TACC2: variants seen among roughly 807,000 people sequenced by gnomAD.
The protein encoded by TACC2 is transforming acidic coiled-coil-containing protein 2.
TACC2 carries 137 observed loss-of-function variants against 227.3 expected under a neutral mutation model. The observed-to-expected ratio is 0.60, with a 90% CI of 0.52 to 0.69. TACC2 has a LOEUF of 0.69. Ranked by LOEUF, TACC2 falls within the 30% of genes least tolerant of loss-of-function variation. The pLI, the probability that TACC2 is intolerant of heterozygous loss-of-function variation, is 0.00. For synonymous variants in TACC2, 1,523 were observed against 1,487.5 expected, an observed-to-expected ratio of 1.02 and a Z score of -0.55; for missense variants, 3,470 against 3,694.4, an observed-to-expected ratio of 0.94 and a Z score of 1.57.
At chr10:122,024,981 A>G (rs1476999900) in intron 2 of TACC2, among the ~76,000 whole-genome samples, 1 of 152,116 alleles carries the variant, frequency 6.6e-6, no homozygotes, top group Non-Finnish European at 1.5e-5. Context: ...TTTGATATGG[A>G]GCTGACAAAC....
rs187453591 is a variant in TACC2 at position 122,045,111 on chromosome 10, G to A, written c.34-5327G>A. Among the ~76,000 whole-genome samples the A allele has an allele frequency of 2.6e-3, 395 of 152,298 alleles. 1 individual carries two copies. The highest frequency in any genetic ancestry group is 9.0e-3 in the African/African-American group (375 of 41,568). On this transcript the variant is annotated intron_variant, in intron 2 of 22. Coordinates refer to ENST00000369005, the MANE Select transcript of TACC2 (RefSeq NM_206862.4). The stretch of plus-strand genomic sequence containing the variant: ...CGAGAGTTCCCAGGGCTGAGGGTAC[G>A]TCTTTCGATTTGCAGACATGGCCAC...
chr10:122,004,423 G>C (rs1030358232), intron 1 of TACC2, among the ~76,000 whole-genome samples: 1 of 151,108 alleles, frequency 6.6e-6, no homozygotes, highest in African/African-American at 2.4e-5. Flanking sequence ...AATTACACTC[G>C]TTCCTGAGGT....
intron 1 of TACC2, among the ~76,000 whole-genome samples, chr10:122,008,264 A>ATTTTTTTT (rs71022877): frequency 3.0e-5 from 4 of 134,654 alleles, no homozygotes; most frequent in African/African-American, 5.6e-5. Context: ...TATTATTATT[A>ATTTTTTTT]TTTTTTTTTT....
rs1337782400 is a variant in TACC2 at position 122,132,070 on chromosome 10, G to GAA, written c.5574-537_5574-536dup. Among the ~76,000 whole-genome samples, 2 of 103,770 alleles carry GAA rather than the reference G, an allele frequency of 1.9e-5. 1 individual carries two copies. Among genetic ancestry groups the GAA allele is most frequent in the African/African-American group, 9.7e-5 (2 of 20,576 alleles). 68.1% of individuals were successfully genotyped at this position (103,770 alleles called of 152,430 possible). ...AAAGAAAGAAAGAAAGAAAGAAAAA[G>GAA]AAAGAAAGAAAGAGAAAGATCTACA... is the stretch of plus-strand genomic sequence containing the variant. On this transcript the variant is annotated intron_variant, in intron 5 of 22. Transcript: ENST00000369005.
chr10:122,080,088 A>C (rs2079276594), intron 3 of TACC2, among the ~76,000 whole-genome samples: 2 of 152,264 alleles, frequency 1.3e-5, no homozygotes, highest in East Asian at 1.9e-4. Context: ...AGTCCTGGTC[A>C]GGGTGCTGGT....
At chr10:121,998,342 C>T (rs182132244) in intron 1 of TACC2, among the ~76,000 whole-genome samples, 1 of 150,768 alleles carries the variant, frequency 6.6e-6, no homozygotes, top group African/African-American at 2.4e-5. Flanking sequence ...AGGAAGACTC[C>T]TTTTTGGGGG....
Position 122,082,849 on chromosome 10 carries a change from C to A in TACC2, c.349C>A (p.Pro117Thr), listed in dbSNP as rs147458352. 1.2e-6 allele frequency: 2 copies of A among 1,613,430 alleles called. No individual in the cohort carries two copies. The highest frequency in any genetic ancestry group is 2.7e-5 in the African/African-American group (2 of 74,900). ...GTCCTCCATGCCCTTTGCCGAGTGT[C>A]CCCCGGAAGGTTGCTTGGCAAGTCC... ...PSSSMPFAEC[P>T]PEGCLASPAA... The change falls in exon 4 of 23, where the codon CCC becomes ACC. Residue 117 changes from proline to threonine, a missense_variant. Physicochemically the swap from Pro to Thr is conservative, Grantham distance 38. Transcript: ENST00000369005.
chr10:121,991,529 T>G (rs918682320), intron 1 of TACC2, among the ~76,000 whole-genome samples: 2 of 152,240 alleles, frequency 1.3e-5, no homozygotes, highest in African/African-American at 4.8e-5. Context: ...TAAGTCTTTT[T>G]TGCTAATTAA....
intron 7 of TACC2, among the ~76,000 whole-genome samples, chr10:122,148,097 ATTTTTTT>A (rs1172285538): frequency 1.5e-5 from 2 of 131,444 alleles, no homozygotes; most frequent in African/African-American, 5.9e-5. Context: ...CTGAGCCAGA[ATTTTTTT>A]TTTTTTTTTT....
At chr10:122,064,272 G>A (rs1246993954) in intron 3 of TACC2, among the ~76,000 whole-genome samples, 1 of 152,086 alleles carries the variant, frequency 6.6e-6, no homozygotes, top group African/African-American at 2.4e-5. Context: ...CCGAAAAATC[G>A]TGTAGCTATT....
At chr10:122,142,748 A>AGC (rs1309571051) in intron 6 of TACC2, among the ~76,000 whole-genome samples, 1 of 152,206 alleles carries the variant, frequency 6.6e-6, no homozygotes, top group Non-Finnish European at 1.5e-5. Context: ...GGCTACCCCA[A>AGC]GACACCTTCA....
chr10:122,011,730 G>C (rs1195902131), intron 1 of TACC2, among the ~76,000 whole-genome samples: 1 of 152,192 alleles, frequency 6.6e-6, no homozygotes, highest in African/African-American at 2.4e-5. Flanking sequence ...TGGTGGTGGT[G>C]ATGGGAATCT....
intron 8 of TACC2, among the ~76,000 whole-genome samples, chr10:122,201,151 A>G (rs2094820846): frequency 6.8e-6 from 1 of 146,350 alleles, no homozygotes; most frequent in Non-Finnish European, 1.5e-5. Context: ...GGCCACATCT[A>G]CAGTCAGAGG....
intron 11 of TACC2, among the ~76,000 whole-genome samples, chr10:122,219,241 C>T (rs557242899): frequency 6.6e-6 from 1 of 152,078 alleles, no homozygotes; most frequent in East Asian, 1.9e-4. Context: ...CTCCCCCCAC[C>T]TCATCCCTGT....
chr10:122,183,301 G>C (rs1368279576), intron 7 of TACC2, among the ~76,000 whole-genome samples: 1 of 152,184 alleles, frequency 6.6e-6, no homozygotes, highest in Non-Finnish European at 1.5e-5. Flanking sequence ...GAATCCTGTG[G>C]CCTCCTGTTT....
At chr10:122,114,701 C>T (rs1296940949) in intron 5 of TACC2, among the ~76,000 whole-genome samples, 3 of 152,228 alleles carry the variant, frequency 2.0e-5, no homozygotes, top group South Asian at 2.1e-4. Context: ...TCAAAAGTTA[C>T]ATCCCAAGCC....
At chr10:122,002,568 T>C (rs59696258) in intron 1 of TACC2, among the ~76,000 whole-genome samples, 6,927 of 152,266 alleles carry the variant, frequency 0.045, 359 homozygotes, top group African/African-American at 0.13. Context: ...ATCTGACCTT[T>C]AAAGATTTGG....
chr10:122,126,153 A>G (rs1290306846), intron 5 of TACC2, among the ~76,000 whole-genome samples: 1 of 152,078 alleles, frequency 6.6e-6, no homozygotes, highest in Non-Finnish European at 1.5e-5. Flanking sequence ...GAGTGCCACC[A>G]TTAAGGTTTC....
At chr10:122,006,072 G>A (rs994533968) in intron 1 of TACC2, among the ~76,000 whole-genome samples, 4 of 152,088 alleles carry the variant, frequency 2.6e-5, no homozygotes, top group African/African-American at 4.8e-5. Context: ...TCTTTGGTTC[G>A]CACTTTCATT....
Sources: allele counts gnomAD v4.1 joint callset (sites outside exome capture counted in the v4.1 genomes callset), GRCh38; gene constraint gnomAD v4.1.1; transcripts MANE v1.5; gene names NCBI Gene and HGNC (gene_info 2026-07-23, HGNC 2026-07-21).